The following LCT variants were observed in gnomAD, a reference collection of about 807,000 sequenced individuals.
The protein encoded by LCT is lactase, also known as lactase/phlorizin hydrolase.
A neutral mutation model predicts 173.0 loss-of-function variants in LCT; 90 were observed. The ratio of observed to expected loss-of-function variants is 0.52; its 90% CI spans 0.44 to 0.62. The LOEUF (loss-of-function observed/expected upper bound fraction) is 0.62. Ranked by LOEUF, LCT falls within the 20% of genes least tolerant of loss-of-function variation. The pLI, the probability that LCT is intolerant of heterozygous loss-of-function variation, is 0.00. For missense variants in LCT, 1,864 were observed against 2,431.4 expected (o/e 0.77, Z 4.91); for synonymous variants, 853 against 957.6 (o/e 0.89, Z 2.02).
chr2:135,789,823 A>G (rs2077520191), intron 15 of LCT, 25 bp from the exon 16 acceptor site: 7 of 1,591,034 alleles, frequency 4.4e-6, no homozygotes, highest in Non-Finnish European at 6.0e-6. Flanking sequence ...AGGACTAGGC[A>G]TAAGTTTCCT....
intron 1 of LCT, among the ~76,000 whole-genome samples, chr2:135,836,005 T>TATATATATATATATAC (rs1558748623): frequency 1.6e-4 from 3 of 18,394 alleles, no homozygotes; most frequent in African/African-American, 2.5e-4. Flanking sequence ...TATATATATA[T>TATATATATATATATAC]ATATATATAT....
intron 12 of LCT, among the ~76,000 whole-genome samples, chr2:135,798,477 C>A (rs1424004011): frequency 1.3e-5 from 2 of 152,212 alleles, no homozygotes; most frequent in Admixed American, 6.5e-5. Context: ...GAAGGGAGAA[C>A]CCACAAGCCT....
chr2:135,835,061 T>C (rs1410291167), intron 1 of LCT, among the ~76,000 whole-genome samples: 1 of 152,094 alleles, frequency 6.6e-6, no homozygotes, highest in Non-Finnish European at 1.5e-5. Context: ...ATTCTAAGAT[T>C]CTGTCAGAAA....
chr2:135,829,202 T>A (rs1440134599), intron 3 of LCT, among the ~76,000 whole-genome samples: 4 of 151,766 alleles, frequency 2.6e-5, no homozygotes, highest in Non-Finnish European at 5.9e-5. Context: ...AAAAAAAAAA[T>A]TACCATCATA....
chr2:135,793,383 A>T (rs557242387), intron 14 of LCT, among the ~76,000 whole-genome samples: 11 of 152,326 alleles, frequency 7.2e-5, no homozygotes, highest in African/African-American at 2.6e-4. Context: ...CAATCACTGC[A>T]GTCTGGCTCT....
At chr2:135,835,928 C>T (rs76097170) in intron 1 of LCT, among the ~76,000 whole-genome samples, 26,602 of 143,076 alleles carry the variant, frequency 0.19, 3,155 homozygotes, top group Middle Eastern at 0.41. Context: ...ACAATCAGTG[C>T]TTGCACAACT....
At chr2:135,792,841 T>G (rs1296589329) in intron 14 of LCT, among the ~76,000 whole-genome samples, 1 of 152,136 alleles carries the variant, frequency 6.6e-6, no homozygotes, top group Non-Finnish European at 1.5e-5. Context: ...CATAAACTCT[T>G]GGGAGCTCTA....
At chr2:135,834,476 C>T (rs898062209) in intron 1 of LCT, among the ~76,000 whole-genome samples, 5 of 148,748 alleles carry the variant, frequency 3.4e-5, no homozygotes, top group Admixed American at 1.3e-4. Context: ...TGAACCACCA[C>T]GCCTGGCCTT....
At chr2:135,833,437 ACTT>A (rs1575350913) in intron 1 of LCT, among the ~76,000 whole-genome samples, 2 of 109,026 alleles carry the variant, frequency 1.8e-5, no homozygotes, top group Non-Finnish European at 3.4e-5. Context: ...TCCTTCCTAA[ACTT>A]CTTTTTTTTT....
chr2:135,821,583 C>A, intron 5 of LCT: 2 of 197,246 alleles, frequency 1.0e-5, no homozygotes, highest in Non-Finnish European at 2.1e-5. Flanking sequence ...TGGGCTCAAG[C>A]GATCCTCTGA....
intron 6 of LCT, among the ~76,000 whole-genome samples, chr2:135,814,177 T>C (rs2077759562): frequency 6.6e-6 from 1 of 152,222 alleles, no homozygotes; most frequent in Non-Finnish European, 1.5e-5. Flanking sequence ...CACTTACCTC[T>C]GAAGAATTTC....
At chr2:135,814,587 G>A (rs1208227770) in intron 6 of LCT, among the ~76,000 whole-genome samples, 1 of 151,646 alleles carries the variant, frequency 6.6e-6, no homozygotes, top group Admixed American at 6.6e-5. Context: ...CGCAATCTCG[G>A]CTCACCACAA....
In LCT at chr2:135,790,580, G is replaced by A. The variant is rs1024874260; in HGVS notation, c.5335+78C>T. The A allele has an allele frequency of 6.3e-5, 58 of 917,302 alleles. 1 individual carries two copies. The highest frequency in any genetic ancestry group is 3.7e-4 in the South Asian group (27 of 72,480). The allele number at this position is 917,302 out of a possible 1,614,324, so 56.8% of individuals were successfully genotyped here. On this transcript the variant is annotated intron_variant, in intron 15 of 16. Transcript: ENST00000264162. The surrounding 1 kb of genome is among the most constrained non-coding windows in gnomAD (Gnocchi z 4.1). ...TCTCTTCTTACTGTGGCCCAAGGAC[G>A]CTGTATCACACTCCTGCAAATAGCA... is the stretch of plus-strand genomic sequence containing the variant.
intron 6 of LCT, 35 bp from the exon 7 acceptor site, chr2:135,812,991 GTAA>G (rs1434779245): frequency 1.9e-6 from 3 of 1,589,730 alleles, no homozygotes; most frequent in South Asian, 2.2e-5. Flanking sequence ...ACAGTGATTA[GTAA>G]TAATAACAAT....
intron 3 of LCT, among the ~76,000 whole-genome samples, chr2:135,827,336 A>G (rs1320140463): frequency 6.6e-6 from 1 of 152,174 alleles, no homozygotes; most frequent in African/African-American, 2.4e-5. Flanking sequence ...CCAACCCTGG[A>G]GCTCACCACC....
chr2:135,798,588 G>C (rs1175429409), intron 12 of LCT, among the ~76,000 whole-genome samples: 2 of 152,344 alleles, frequency 1.3e-5, no homozygotes, highest in South Asian at 2.1e-4. Context: ...GAAATGCAAG[G>C]CTTTCCTGAC....
At position 135,833,192 on chromosome 2, in the gene LCT, T is replaced by C; in HGVS notation, c.641-2A>G. The C allele has an allele frequency of 1.9e-6, 3 of 1,613,180 alleles. No homozygotes were observed. The highest frequency in any genetic ancestry group is 2.5e-6 in the Non-Finnish European group (3 of 1,179,306). ...GCAGGACAACAGAGAGTTTTCCGCC[T>C]GAAACCAACCAGAGACACGAACAGC... is the stretch of plus-strand genomic sequence containing the variant. On this transcript the variant is annotated splice_acceptor_variant, in intron 1 of 16. Coordinates refer to ENST00000264162, the MANE Select transcript of LCT (RefSeq NM_002299.4). LOFTEE classifies it high-confidence loss of function.
At chr2:135,815,717 G>A (rs946848352) in intron 6 of LCT, among the ~76,000 whole-genome samples, 2 of 151,750 alleles carry the variant, frequency 1.3e-5, no homozygotes, top group Admixed American at 6.6e-5. Context: ...TGAGATGAAA[G>A]TCTCGCTTTG....
intron 4 of LCT, chr2:135,822,490 A>G: frequency 4.4e-6 from 1 of 225,518 alleles, no homozygotes; most frequent in Non-Finnish European, 8.9e-6. Flanking sequence ...TTGATTTAGA[A>G]GAACTCAAAG....
Sources: gnomAD v4.1 joint callset for allele counts (sites outside exome capture counted in the v4.1 genomes callset) on GRCh38, gnomAD v4.1.1 for gene constraint, Gnocchi (gnomAD v3.1) non-coding constraint, MANE v1.5 for transcripts, NCBI Gene and HGNC (gene_info 2026-07-23, HGNC 2026-07-21) for gene names.